Variants in TRABD2A observed in about 807,000 individuals in gnomAD.
TRABD2A encodes TraB domain containing 2A.
Under a neutral mutation model 45.6 loss-of-function variants are expected in TRABD2A, and 43 were observed. The observed-to-expected ratio is 0.94, with a 90% CI of 0.74 to 1.22. TRABD2A has a LOEUF of 1.22. TRABD2A is among the 50% of genes most tolerant of loss of function. The probability of loss-of-function intolerance (pLI) is 0.00; values close to 1 mark genes in which losing one functional copy is unlikely to be tolerated. For missense variants in TRABD2A, 642 were observed against 652.4 expected (o/e 0.98, Z 0.17); for synonymous variants, 269 against 265.0 (o/e 1.02, Z -0.15).
chr2:84,870,464 C>G lies in TRABD2A; in HGVS notation c.430G>C (p.Gly144Arg), dbSNP rs756663672. 2 of 1,614,006 alleles carry G rather than the reference C, an allele frequency of 1.2e-6. No individual in the cohort carries two copies. Among genetic ancestry groups the G allele is most frequent in the Non-Finnish European group, 8.5e-7 (1 of 1,179,900 alleles). ...AGGTAGTCTGCGTAGAGCCCCTTGC[C>G]GCGCTGGTCTGGGGTCATCCACAAG... ...MPLWMTPDQR[G>R]KGLYADYLFN... Residue 144 changes from glycine to arginine, a missense_variant, in exon 2 of 7, where the codon GGC (glycine) becomes CGC (arginine). Gly to Arg is a moderately radical substitution (Grantham distance 125). Coordinates refer to ENST00000409520, the MANE Select transcript of TRABD2A (RefSeq NM_001277053.2).
At chr2:84,865,267 C>A (rs1390090023) in intron 2 of TRABD2A, among the ~76,000 whole-genome samples, 2 of 152,006 alleles carry the variant, frequency 1.3e-5, no homozygotes, top group East Asian at 1.9e-4. Context: ...TCCTGAAGAA[C>A]AAGAACTGGC....
In TRABD2A at chr2:84,848,371, TAGATAGACAGACAGAC is replaced by T. The variant is rs1183295457; in HGVS notation, c.670-6380_670-6365del. Among the ~76,000 whole-genome samples, 163 of 107,582 alleles carry T rather than the reference TAGATAGACAGACAGAC, an allele frequency of 1.5e-3. 1 individual carries two copies. Among genetic ancestry groups the T allele is most frequent in the South Asian group, 2.9e-3 (11 of 3,800 alleles). 70.6% of individuals were successfully genotyped at this position (107,582 alleles called of 152,430 possible). On this transcript the variant is annotated intron_variant, in intron 2 of 6. Transcript: ENST00000409520. ...ATAGATAGATAGATAGATAGATAGA[TAGATAGACAGACAGAC>T]AGACAGACAGACAGACAGACAGACA...
intron 2 of TRABD2A, among the ~76,000 whole-genome samples, chr2:84,848,679 G>A (rs1330674527): frequency 6.6e-6 from 1 of 151,688 alleles, no homozygotes; most frequent in Non-Finnish European, 1.5e-5. Flanking sequence ...AGATTCAAGC[G>A]ATTCTTGTGC....
chr2:84,864,804 G>A (rs761099829), intron 2 of TRABD2A, among the ~76,000 whole-genome samples: 14 of 152,246 alleles, frequency 9.2e-5, no homozygotes, highest in Middle Eastern at 6.8e-3. Context: ...TGGTATCCCC[G>A]GGATCCTCTC....
chr2:84,863,152 T>C (rs917222462), intron 2 of TRABD2A, among the ~76,000 whole-genome samples: 1 of 150,710 alleles, frequency 6.6e-6, no homozygotes, highest in South Asian at 2.1e-4. Flanking sequence ...CAGGAAATAA[T>C]ACATAGCAGT....
At chr2:84,849,616 C>T (rs1682015453) in intron 2 of TRABD2A, 1 of 152,276 alleles carries the variant, frequency 6.6e-6, no homozygotes, top group Non-Finnish European at 1.5e-5. Context: ...CACCTACCTC[C>T]ACCCCCAGGT....
At chr2:84,823,858 G>T in intron 6 of TRABD2A, 95 bp downstream of exon 6, 2 of 1,518,098 alleles carry the variant, frequency 1.3e-6, no homozygotes, top group South Asian at 1.2e-5. Flanking sequence ...TGCTCCATGA[G>T]GGGGGCTCCC....
At chr2:84,874,430 C>A (rs1480742311) in intron 1 of TRABD2A, among the ~76,000 whole-genome samples, 1 of 152,184 alleles carries the variant, frequency 6.6e-6, no homozygotes, top group African/African-American at 2.4e-5. Context: ...TACCATGTGC[C>A]AGACACTGTT....
chr2:84,829,363 AACACACAC>A (rs146287038), intron 5 of TRABD2A, among the ~76,000 whole-genome samples: 15,155 of 145,572 alleles, frequency 0.1, 1,344 homozygotes, highest in African/African-American at 0.24. Flanking sequence ...AACAACCAGC[AACACACAC>A]ACACACACAC....
chr2:84,822,195 C>T, intron 6 of TRABD2A, 95 bp from the exon 7 acceptor site: 3 of 1,072,910 alleles, frequency 2.8e-6, no homozygotes, highest in Non-Finnish European at 3.9e-6. Context: ...CTCTTCATCT[C>T]CCCTCCTTAT....
At chr2:84,875,267 G>T (rs1682990134) in intron 1 of TRABD2A, among the ~76,000 whole-genome samples, 1 of 152,216 alleles carries the variant, frequency 6.6e-6, no homozygotes, top group Non-Finnish European at 1.5e-5. Context: ...TGCCGTGAAG[G>T]AGACGAGGGG....
intron 3 of TRABD2A, among the ~76,000 whole-genome samples, chr2:84,840,296 A>T (rs1553513133): frequency 2.6e-5 from 4 of 151,794 alleles, no homozygotes; most frequent in Admixed American, 2.0e-4. Context: ...TTTTTTAATC[A>T]TGTCATTTAT....
chr2:84,822,035 G>A lies in TRABD2A; in HGVS notation c.1400C>T (p.Pro467Leu). 1.3e-6 allele frequency: 2 copies of A among 1,591,960 alleles called. No individual in the cohort carries two copies. Among genetic ancestry groups the A allele is most frequent in the Non-Finnish European group, 1.7e-6 (2 of 1,169,546 alleles). ...GCTGTGGTGGGAATGCCCACGGCGA[G>A]GGAGCCGCAGTTCAGTGGAGATGTG... Reference protein sequence around the residue: ...DRHISTELRLPRRGHSHHSQM... With the variant: ...DRHISTELRLLRRGHSHHSQM... Residue 467 changes from proline to leucine, a missense_variant, in exon 7 of 7, where the codon CCT becomes CTT. Physicochemically the swap from Pro to Leu is moderately conservative, Grantham distance 98 (BLOSUM62 -3). Transcript: ENST00000409520.
chr2:84,828,718 G>GATCC (rs1681222907), intron 5 of TRABD2A, among the ~76,000 whole-genome samples: 1 of 152,204 alleles, frequency 6.6e-6, no homozygotes, highest in Admixed American at 6.5e-5. Context: ...TCCTATTTGA[G>GATCC]ATCCCATCAT....
intron 1 of TRABD2A, chr2:84,879,492 T>G (rs1429864322): frequency 4.6e-6 from 3 of 659,168 alleles, no homozygotes; most frequent in Non-Finnish European, 5.6e-6. Context: ...CTTTGATAAT[T>G]TTTTGTAACG....
intron 2 of TRABD2A, among the ~76,000 whole-genome samples, chr2:84,853,668 G>A (rs1682176341): frequency 6.6e-6 from 1 of 152,232 alleles, no homozygotes; most frequent in Admixed American, 6.5e-5. Context: ...ACCACCAGAA[G>A]CTGGAAGGGG....
intron 2 of TRABD2A, chr2:84,843,799 C>T (rs1408135358): frequency 6.6e-6 from 1 of 152,188 alleles, no homozygotes; most frequent in Non-Finnish European, 1.5e-5. Flanking sequence ...CTCCTAAAGG[C>T]CTCACCTTTT....
intron 3 of TRABD2A, 139 bp from the exon 4 acceptor site, chr2:84,839,462 G>A: frequency 2.5e-6 from 2 of 794,466 alleles, no homozygotes; most frequent in South Asian, 2.0e-5. Flanking sequence ...GGAGTTTCCT[G>A]TCTGCTATGT....
At chr2:84,867,296 A>T (rs907336865) in intron 2 of TRABD2A, among the ~76,000 whole-genome samples, 1 of 152,246 alleles carries the variant, frequency 6.6e-6, no homozygotes, top group Non-Finnish European at 1.5e-5. Flanking sequence ...TTATAAAATC[A>T]ACATGACACT....
Sources: allele counts gnomAD v4.1 joint callset (sites outside exome capture counted in the v4.1 genomes callset), GRCh38; gene constraint gnomAD v4.1.1; transcripts MANE v1.5; gene names NCBI Gene and HGNC (gene_info 2026-07-23, HGNC 2026-07-21).